Variants in ATG7 observed in about 807,000 individuals in gnomAD.
The protein encoded by ATG7 is autophagy related 7.
In ATG7, 70 loss-of-function variants were observed where a neutral mutation model predicts 82.4. The ratio of observed to expected loss-of-function variants is 0.85; its 90% CI spans 0.70 to 1.04. The LOEUF (loss-of-function observed/expected upper bound fraction) is 1.04. Among genes scored for constraint, ATG7 ranks in the 50% least tolerant of loss-of-function variants. The pLI, the probability that ATG7 is intolerant of heterozygous loss-of-function variation, is 0.00. For missense variants in ATG7, 792 were observed against 864.3 expected (o/e 0.92, Z 1.05); for synonymous variants, 287 against 313.0 (o/e 0.92, Z 0.88).
the ATG7 span, chr3:11,568,997 T>C: frequency 4.7e-6 from 5 of 1,053,082 alleles, no homozygotes; most frequent in Non-Finnish European, 5.8e-6. This position sits in a 1 kb window ranked among gnomAD's most constrained non-coding sequence, Gnocchi z 5.9. Flanking sequence ...AACACCATCA[T>C]CCAGGACAGA....
At position 11,362,895 on chromosome 3, in the gene ATG7, A is replaced by C. The variant is rs765972296; in HGVS notation, c.1766A>C (p.Glu589Ala). The C allele has an allele frequency of 6.2e-7, 1 of 1,613,986 alleles. No homozygotes were observed. The highest frequency in any genetic ancestry group is 1.1e-5 in the South Asian group (1 of 91,044). ...GTGATTGCAGGAGCCCTGGCCGTGG[A>C]ATTGATGGTATCTGTTTTGCAGCAT... ...LAVIAGALAV[E>A]LMVSVLQHPE... is the part of the protein sequence containing the mutation. Residue 589 changes from glutamate (E) to alanine (A), a missense_variant, in exon 17 of 21, where the codon GAA (glutamate) becomes GCA (alanine). By Grantham distance (107) the Glu-to-Ala change is moderately radical. Transcript: ENST00000693202.
intron 20 of ATG7, chr3:11,477,295 A>G: frequency 8.3e-7 from 1 of 1,200,246 alleles, no homozygotes; most frequent in Non-Finnish European, 1.1e-6. Flanking sequence ...GATAAAATAA[A>G]ATGTAAATAA....
Position 11,554,974 on chromosome 3 carries a change from C to T in ATG7, c.*131C>T. ...TCCATACCCCGAGGTCTGGGATTCC[C>T]CCCTCTGCTGCCCAGGAGTGGCCAG... On this transcript the variant is annotated 3_prime_UTR_variant, in exon 21 of 21. Transcript: ENST00000693202. 8.4e-7 allele frequency: 1 copy of T among 1,185,124 alleles called. No individual in the cohort carries two copies. The highest frequency in any genetic ancestry group is 1.5e-5 in the South Asian group (1 of 64,642). The allele number at this position is 1,185,124 out of a possible 1,614,324, so 73.4% of individuals were successfully genotyped here. A position where few individuals can be genotyped will look rare whatever the true frequency, so the allele number is the denominator to read the frequency against.
At chr3:11,500,076 A>G (rs1355754400) in intron 20 of ATG7, among the ~76,000 whole-genome samples, 1 of 152,206 alleles carries the variant, frequency 6.6e-6, no homozygotes, top group Non-Finnish European at 1.5e-5. Context: ...TGTAAAGGAT[A>G]TATCTGTACT....
At chr3:11,405,009 C>T (rs1308504421) in intron 19 of ATG7, among the ~76,000 whole-genome samples, 1 of 152,202 alleles carries the variant, frequency 6.6e-6, no homozygotes, top group Non-Finnish European at 1.5e-5. Flanking sequence ...TATGCTTCAG[C>T]TTTTCAAAGC....
At chr3:11,481,442 G>A (rs1353780692) in intron 20 of ATG7, among the ~76,000 whole-genome samples, 2 of 152,176 alleles carry the variant, frequency 1.3e-5, no homozygotes, top group Non-Finnish European at 2.9e-5. Flanking sequence ...AAATGTAAGT[G>A]TATGTGACTT....
intron 20 of ATG7, among the ~76,000 whole-genome samples, chr3:11,432,614 A>G (rs752922110): frequency 6.6e-5 from 10 of 152,046 alleles, no homozygotes; most frequent in Non-Finnish European, 8.8e-5. Flanking sequence ...TATCTACATA[A>G]CCAAAAATCA....
chr3:11,429,325 G>A (rs1357314458), intron 20 of ATG7, among the ~76,000 whole-genome samples: 9 of 151,416 alleles, frequency 5.9e-5, no homozygotes, highest in East Asian at 2.0e-4. Flanking sequence ...GTGAAACCCC[G>A]TCTCTACTAA....
chr3:11,354,216 G>A (rs1346254189), intron 14 of ATG7, among the ~76,000 whole-genome samples: 3 of 152,006 alleles, frequency 2.0e-5, no homozygotes, highest in East Asian at 1.9e-4. Context: ...CTTTCCAGGT[G>A]CCTTTAAAAA....
chr3:11,414,957 T>TG (rs970786031), intron 19 of ATG7, among the ~76,000 whole-genome samples: 1 of 152,224 alleles, frequency 6.6e-6, no homozygotes, highest in African/African-American at 2.4e-5. Flanking sequence ...TGCTAAACGA[T>TG]GGGGATACCT....
At chr3:11,510,302 A>G (rs777080625) in intron 20 of ATG7, 1 of 456,186 alleles carries the variant, frequency 2.2e-6, no homozygotes. Flanking sequence ...AAGCAGAACA[A>G]TTCCTTGCAT....
chr3:11,425,898 T>C lies in ATG7; in HGVS notation c.1957-906T>C, dbSNP rs146846129. On this transcript the variant is annotated intron_variant, in intron 19 of 20. Transcript: ENST00000693202. ...CATTTTAATTTTATATAAATGTAAT[T>C]GTACAGTACATACTGCTTCTTTCTT... Among the ~76,000 whole-genome samples the C allele has an allele frequency of 2.5e-3, 382 of 152,336 alleles. 2 individuals are homozygous for C. Among genetic ancestry groups the C allele is most frequent in the Middle Eastern group, 0.017 (5 of 294 alleles).
rs1945766247 is a variant in ATG7, at chr3:11,295,721, G to T, written c.-10-2965G>T. Among the ~76,000 whole-genome samples, 5 of 151,276 alleles carry T rather than the reference G, an allele frequency of 3.3e-5. No homozygotes were observed. The South Asian group carries it at 1.0e-3, about 32-fold the overall frequency. On this transcript the variant is annotated intron_variant, in intron 3 of 20. Coordinates refer to ENST00000693202, the MANE Select transcript of ATG7 (RefSeq NM_001349232.2). ...AGTTGGTAGATATATGTACTGTCCT[G>T]GTGTTCCAACTACAGCTTTCTTTGT... is the stretch of plus-strand genomic sequence containing the variant.
intron 19 of ATG7, among the ~76,000 whole-genome samples, chr3:11,400,014 G>C (rs1411785249): frequency 6.6e-6 from 1 of 152,188 alleles, no homozygotes; most frequent in Non-Finnish European, 1.5e-5. Context: ...ACTTCACAAT[G>C]AAAAATGTTA....
intron 19 of ATG7, among the ~76,000 whole-genome samples, chr3:11,403,281 A>G (rs1037479939): frequency 2.6e-5 from 4 of 152,112 alleles, no homozygotes; most frequent in African/African-American, 9.7e-5. Context: ...GGAAGTCCTC[A>G]TTGGAGTAAG....
intron 20 of ATG7, among the ~76,000 whole-genome samples, chr3:11,489,567 T>C (rs1248315504): frequency 6.9e-6 from 1 of 144,262 alleles, no homozygotes; most frequent in African/African-American, 2.6e-5. Context: ...AATTGTGATG[T>C]TAGGGTGTCA....
chr3:11,482,294 C>G (rs2089092340), intron 20 of ATG7, among the ~76,000 whole-genome samples: 1 of 152,218 alleles, frequency 6.6e-6, no homozygotes, highest in Admixed American at 6.5e-5. Flanking sequence ...GGGCTCCGAG[C>G]TCTTTCAAGA....
At chr3:11,436,957 G>A (rs1213163393) in intron 20 of ATG7, among the ~76,000 whole-genome samples, 2 of 152,150 alleles carry the variant, frequency 1.3e-5, no homozygotes, top group Non-Finnish European at 2.9e-5. Context: ...TCCTTTCGAG[G>A]TGATGAAATG....
rs2072369016 is a variant in ATG7, at chr3:11,556,014, C to G, written c.*1171C>G. The G allele has an allele frequency of 6.5e-6, 1 of 152,734 alleles. No homozygotes were observed. Among genetic ancestry groups the G allele is most frequent in the African/African-American group, 2.4e-5 (1 of 41,438 alleles). 9.5% of individuals were successfully genotyped at this position (152,734 alleles called of 1,614,324 possible). On this transcript the variant is annotated 3_prime_UTR_variant, in exon 21 of 21. Coordinates refer to ENST00000693202, the MANE Select transcript of ATG7 (RefSeq NM_001349232.2). ...CATGGGGACACAGCCGGCACAGGTG[C>G]AGGGCCCGAGTCCGCCCACCCAGCC...
Sources: gnomAD v4.1 joint callset for allele counts (sites outside exome capture counted in the v4.1 genomes callset) on GRCh38, gnomAD v4.1.1 for gene constraint, Gnocchi (gnomAD v3.1) non-coding constraint, MANE v1.5 for transcripts, NCBI Gene and HGNC (gene_info 2026-07-23, HGNC 2026-07-21) for gene names.